Variants in SDR42E2 observed in about 807,000 individuals in gnomAD.
SDR42E2 encodes putative short-chain dehydrogenase/reductase family 42E member 2.
In SDR42E2, 20 loss-of-function variants were observed where a neutral mutation model predicts 10.5. The ratio of observed to expected loss-of-function variants is 1.90; its 90% CI spans 1.34 to 2.77. The LOEUF (loss-of-function observed/expected upper bound fraction) is 2.77. Among genes scored for constraint, SDR42E2 ranks in the 30% most tolerant of loss-of-function variants. The pLI, the probability that SDR42E2 is intolerant of heterozygous loss-of-function variation, is 0.00. For synonymous variants in SDR42E2, 72 were observed against 39.2 expected, an observed-to-expected ratio of 1.84 and a Z score of -3.12; for missense variants, 162 against 104.2, an observed-to-expected ratio of 1.55 and a Z score of -2.42.
chr16:22,185,307 C>T (rs1056944827), intron 11 of SDR42E2, among the ~76,000 whole-genome samples: 1 of 152,180 alleles, frequency 6.6e-6, no homozygotes, highest in Non-Finnish European at 1.5e-5. Flanking sequence ...CATCGAGTGG[C>T]TTGCCATTAA....
At position 22,170,926 on chromosome 16, in the gene SDR42E2, C is replaced by A. The variant is rs1228471980; in HGVS notation, c.488C>A (p.Ser163Tyr). Residue 163 changes from serine to tyrosine, a missense_variant, in exon 6 of 13, where the codon TCT (serine) becomes TAT (tyrosine). By Grantham distance (144) the Ser-to-Tyr change is moderately radical. Coordinates refer to ENST00000602312, the MANE Select transcript of SDR42E2 (RefSeq NM_001394319.2). ...GKPIEQGDED[S>Y]VPYFPLDEHV... ...CCCATAGAGCAGGGCGATGAGGACTCTGTGCCATATTTCCCATTGGACGAG... is the reference window on the plus strand; with the variant it reads ...CCCATAGAGCAGGGCGATGAGGACTATGTGCCATATTTCCCATTGGACGAG... 8.5e-6 allele frequency: 6 copies of A among 703,030 alleles called. No individual in the cohort carries two copies. Among genetic ancestry groups the A allele is most frequent in the South Asian group, 1.5e-5 (1 of 67,600 alleles). The allele number at this position is 703,030 out of a possible 1,614,324, so 43.5% of individuals were successfully genotyped here.
At position 22,166,347 on chromosome 16, in the gene SDR42E2, C is replaced by T; in HGVS notation, c.153C>T (p.Ser51=). The T allele has an allele frequency of 5.0e-6, 2 of 402,598 alleles. No individual in the cohort carries two copies. Among genetic ancestry groups the T allele is most frequent in the Non-Finnish European group, 8.8e-6 (2 of 227,262 alleles). The allele number at this position is 402,598 out of a possible 1,614,324, so 24.9% of individuals were successfully genotyped here. Residue 51 remains serine (S), a synonymous_variant, in exon 3 of 13, where the codon TCC becomes TCT. Transcript: ENST00000602312. The stretch of plus-strand genomic sequence containing the variant: ...GCTACCTGGGCTTCAGCCTGGGATC[C>T]CACCTAGCCAAGAGCGGCACTTCCG... ...GGGYLGFSLG[S]HLAKSGTSVI... is the part of the protein sequence containing the mutation.
chr16:22,172,235 G>A (rs1431483174), intron 6 of SDR42E2, 21 bp from the exon 7 acceptor site: 1 of 703,030 alleles, frequency 1.4e-6, no homozygotes, highest in South Asian at 1.5e-5. Context: ...TGGTGGTTCT[G>A]TTTTTCCTGG....
intron 11 of SDR42E2, among the ~76,000 whole-genome samples, chr16:22,186,210 AT>A (rs888782213): frequency 7.5e-4 from 109 of 145,244 alleles, no homozygotes; most frequent in Middle Eastern, 3.5e-3. Flanking sequence ...CAGTCGTTCA[AT>A]TTTTTTTTTT....
At chr16:22,171,093 C>T in intron 6 of SDR42E2, 142 bp downstream of exon 6, 1 of 646,648 alleles carries the variant, frequency 1.5e-6, no homozygotes, top group Non-Finnish European at 2.8e-6. Context: ...TGGGTGGCGT[C>T]AGCACTCTCC....
chr16:22,185,005 C>T (rs972285931), intron 11 of SDR42E2, among the ~76,000 whole-genome samples: 6 of 152,196 alleles, frequency 3.9e-5, no homozygotes, highest in Non-Finnish European at 4.4e-5. Flanking sequence ...GTTCTGTCCC[C>T]CAAGGTCACC....
rs752312519 is a variant in SDR42E2 at position 22,168,264 on chromosome 16, T to TTATA, written c.337-1178_337-1177insATAT. ...ATAATAAAAGTAAATTTTATTATTT[T>TTATA]TATTTATTTATTTATTTTTGAGACG... is the stretch of plus-strand genomic sequence containing the variant. On this transcript the variant is annotated intron_variant, in intron 4 of 12. Transcript: ENST00000602312. 1.5e-4 allele frequency among the ~76,000 whole-genome samples: 23 copies of TTATA among 151,890 alleles called. No homozygotes were observed. In the East Asian group the frequency reaches 3.1e-3, roughly 21 times the overall value.
At chr16:22,177,655 G>T (rs559983805) in intron 7 of SDR42E2, among the ~76,000 whole-genome samples, 6 of 151,718 alleles carry the variant, frequency 4.0e-5, no homozygotes, top group African/African-American at 1.5e-4. Context: ...GAAAGAAAAA[G>T]AAAAAGGAAA....
At chr16:22,172,468 A>G (rs2046609927) in intron 7 of SDR42E2, 137 bp downstream of exon 7, 1 of 660,794 alleles carries the variant, frequency 1.5e-6, no homozygotes, top group African/African-American at 1.8e-5. Context: ...GGCCTTGCCC[A>G]TTCATCATTC....
intron 11 of SDR42E2, among the ~76,000 whole-genome samples, chr16:22,184,553 G>C (rs956991271): frequency 6.6e-6 from 1 of 152,158 alleles, no homozygotes. Context: ...AGTGAGCCGA[G>C]ATCCCGCCAC....
chr16:22,169,590 T>A, intron 5 of SDR42E2, 88 bp downstream of exon 5: 2 of 701,388 alleles, frequency 2.9e-6, no homozygotes. Flanking sequence ...GGGTGTAGGG[T>A]CAAAGGGAGG....
At chr16:22,186,591 G>A (rs1598146263) in intron 11 of SDR42E2, 130 bp from the exon 12 acceptor site, 1 of 400,148 alleles carries the variant, frequency 2.5e-6, no homozygotes, top group Non-Finnish European at 4.4e-6. Context: ...TGATTTAAAG[G>A]AATCCAGTGA....
At chr16:22,184,739 A>T (rs901394430) in intron 11 of SDR42E2, among the ~76,000 whole-genome samples, 1 of 152,222 alleles carries the variant, frequency 6.6e-6, no homozygotes, top group East Asian at 1.9e-4. Flanking sequence ...TGGTGCCGGA[A>T]GCAAGTGCCT....
chr16:22,186,808 T>C lies in SDR42E2; in HGVS notation c.1014+14T>C. The C allele has an allele frequency of 2.8e-6, 1 of 359,278 alleles. No individual in the cohort carries two copies. Among genetic ancestry groups the C allele is most frequent in the Non-Finnish European group, 4.8e-6 (1 of 208,792 alleles). 22.3% of individuals were successfully genotyped at this position (359,278 alleles called of 1,614,324 possible). On this transcript the variant is annotated intron_variant, in intron 12 of 12. Coordinates refer to ENST00000602312, the MANE Select transcript of SDR42E2 (RefSeq NM_001394319.2). ...ACTCGTAGTGAGGTAAGTGGGCTGCTGTTATGGGACCTAGGCCCTGCTCCC... is the reference window on the plus strand; with the variant it reads ...ACTCGTAGTGAGGTAAGTGGGCTGCCGTTATGGGACCTAGGCCCTGCTCCC...
chr16:22,179,801 G>A (rs905906681), intron 8 of SDR42E2, among the ~76,000 whole-genome samples: 24 of 113,098 alleles, frequency 2.1e-4, no homozygotes, highest in Non-Finnish European at 3.1e-4. Flanking sequence ...CAACAAAAGC[G>A]AAACTTCATC....
At chr16:22,185,451 G>C (rs975863698) in intron 11 of SDR42E2, among the ~76,000 whole-genome samples, 1 of 152,166 alleles carries the variant, frequency 6.6e-6, no homozygotes, top group African/African-American at 2.4e-5. Flanking sequence ...TTGTAAAGGC[G>C]TTCCCAGTTC....
At chr16:22,178,078 C>G in intron 7 of SDR42E2, 52 bp from the exon 8 acceptor site, 1 of 692,494 alleles carries the variant, frequency 1.4e-6, no homozygotes. Context: ...CTCTCCCTCT[C>G]CCTGTGGGCT....
In SDR42E2 at chr16:22,169,457, C is replaced by A; in HGVS notation, c.349C>A (p.Gln117Lys). Residue 117 changes from glutamine (Q) to lysine (K), a missense_variant, in exon 5 of 13, where the codon CAG becomes AAG. Coordinates refer to ENST00000602312, the MANE Select transcript of SDR42E2 (RefSeq NM_001394319.2). The stretch of plus-strand genomic sequence containing the variant: ...TCTTGTCTTTTAGCTGCAGAAAGAG[C>A]AGATTGAGTCTATAAATGTTGGAGG... ...MSGAEKLQKE[Q>K]IESINVGGTK... 1 of 703,584 alleles carries A rather than the reference C, an allele frequency of 1.4e-6. No individual in the cohort carries two copies. The highest frequency in any genetic ancestry group is 1.7e-5 in the African/African-American group (1 of 57,386). 43.6% of individuals were successfully genotyped at this position (703,584 alleles called of 1,614,324 possible).
intron 4 of SDR42E2, among the ~76,000 whole-genome samples, chr16:22,168,025 C>T (rs1257378733): frequency 6.6e-6 from 1 of 152,072 alleles, no homozygotes; most frequent in African/African-American, 2.4e-5. Context: ...TTCTTTTTCA[C>T]TATACACCCA....
Sources: allele counts gnomAD v4.1 joint callset (sites outside exome capture counted in the v4.1 genomes callset), GRCh38; gene constraint gnomAD v4.1.1; transcripts MANE v1.5; gene names NCBI Gene and HGNC (gene_info 2026-07-23, HGNC 2026-07-21).